The following AGAP9 variants were observed in gnomAD, a reference collection of about 807,000 sequenced individuals.
The protein encoded by AGAP9 is arf-GAP with GTPase, ANK repeat and PH domain-containing protein 9.
AGAP9 carries 23 observed loss-of-function variants against 55.6 expected under a neutral mutation model. That is an observed-to-expected ratio of 0.41 (90% confidence interval 0.30 to 0.59). The LOEUF (loss-of-function observed/expected upper bound fraction) is 0.59, where lower values mean the gene tolerates loss of function less well. AGAP9 is among the 20% of genes least tolerant of loss of function. The pLI, the probability that AGAP9 is intolerant of heterozygous loss-of-function variation, is 0.25. For missense variants in AGAP9, 309 were observed against 808.1 expected (o/e 0.38, Z 7.49); for synonymous variants, 120 against 305.0 (o/e 0.39, Z 6.32).
chr10:47,502,515 C>G lies in AGAP9; in HGVS notation c.1614G>C (p.Glu538Asp), dbSNP rs4013544. Residue 538 changes from glutamate (E) to aspartate (D), a missense_variant, in exon 8 of 8, where the codon GAG becomes GAC. Glu to Asp is a conservative substitution (Grantham distance 45). Coordinates refer to ENST00000452145, the MANE Select transcript of AGAP9 (RefSeq NM_001190810.1). The part of the protein sequence containing the change: ...LRKVMSSIGN[E>D]LANSIWEGSS... ...TCCCTTCCCAGATGCTGTTGGCTAG[C>G]TCATTGCCAATAGATGACATAACCT... 36 of 1,612,998 alleles carry G rather than the reference C, an allele frequency of 2.2e-5. No homozygotes were observed. In the Middle Eastern group the frequency reaches 6.8e-4, roughly 31 times the overall value.
chr10:47,511,044 C>G (rs1840611096), intron 4 of AGAP9, among the ~76,000 whole-genome samples: 1 of 126,000 alleles, frequency 7.9e-6, no homozygotes, highest in Non-Finnish European at 1.6e-5. Flanking sequence ...CCCGGGTTCA[C>G]GCCATTCTCC....
Position 47,510,082 on chromosome 10 carries a change from C to G in AGAP9, c.497+89G>C, listed in dbSNP as rs1367214457. The stretch of plus-strand genomic sequence containing the variant: ...ATCAATATATGGTTGACTCCAATTT[C>G]TTAAGCTGATTGCTGAAGAGGACAA... On this transcript the variant is annotated intron_variant, in intron 5 of 7. Transcript: ENST00000452145. The G allele has an allele frequency of 7.6e-5, 112 of 1,474,378 alleles. 15 individuals carry two copies. The highest frequency in any genetic ancestry group is 1.1e-4 in the Admixed American group (5 of 46,738). The allele number at this position is 1,474,378 out of a possible 1,614,324, so 91.3% of individuals were successfully genotyped here. A position where few individuals can be genotyped will look rare whatever the true frequency, so the allele number is the denominator to read the frequency against.
chr10:47,516,236 T>G (rs1282358830), intron 4 of AGAP9, among the ~76,000 whole-genome samples: 15 of 80,612 alleles, frequency 1.9e-4, no homozygotes, highest in African/African-American at 8.0e-4. Context: ...AGAGATAGTC[T>G]GCAGGTTTAG....
At chr10:47,519,403 G>C (rs1840777442) in intron 3 of AGAP9, among the ~76,000 whole-genome samples, 2 of 121,794 alleles carry the variant, frequency 1.6e-5, no homozygotes, top group South Asian at 5.6e-4. Context: ...GGGAGATGGA[G>C]GTTGTAGTGA....
Position 47,502,088 on chromosome 10 carries a change from T to G in AGAP9, c.*64A>C. 1 of 1,569,786 alleles carries G rather than the reference T, an allele frequency of 6.4e-7. No individual in the cohort carries two copies. The highest frequency in any genetic ancestry group is 8.7e-7 in the Non-Finnish European group (1 of 1,153,024). ...ATAAAACAGATACTACACGCACTCG[T>G]CGGGGCAGCCGTACTGCAGAAGCAC... On this transcript the variant is annotated 3_prime_UTR_variant, in exon 8 of 8. Coordinates refer to ENST00000452145, the MANE Select transcript of AGAP9 (RefSeq NM_001190810.1).
At chr10:47,513,937 G>A (rs2132489373) in intron 4 of AGAP9, among the ~76,000 whole-genome samples, 1 of 136,224 alleles carries the variant, frequency 7.3e-6, no homozygotes, top group South Asian at 2.4e-4. Flanking sequence ...AAAAGTTCTA[G>A]AAGATAACAT....
intron 7 of AGAP9, among the ~76,000 whole-genome samples, chr10:47,503,901 T>C (rs1447054381): frequency 1.3e-5 from 1 of 74,272 alleles, no homozygotes; most frequent in Non-Finnish European, 2.3e-5. Context: ...GATCGCGCGA[T>C]TGCACTCCAG....
rs3953933 is a variant in AGAP9 at position 47,502,412 on chromosome 10, C to T, written c.1717G>A (p.Glu573Lys). Residue 573 changes from glutamate to lysine, a missense_variant, in exon 8 of 8, where the codon GAG (glutamate) becomes AAG (lysine). Glu to Lys is a moderately conservative substitution (Grantham distance 56). Coordinates refer to ENST00000452145, the MANE Select transcript of AGAP9 (RefSeq NM_001190810.1). ...KEWWIRSKYEEKLFLAPLPCT... is the reference protein window; with the variant it reads ...KEWWIRSKYEKKLFLAPLPCT... ...GGTAGTGGGGCCAGAAAGAGCTTCT[C>T]CTCATATTTGGAACGGATCCACCAT... 8 of 1,610,758 alleles carry T rather than the reference C, an allele frequency of 5.0e-6. No homozygotes were observed. The highest frequency in any genetic ancestry group is 2.1e-4 in the Middle Eastern group (1 of 4,768).
intron 4 of AGAP9, 61 bp from the exon 5 acceptor site, chr10:47,510,332 T>A: frequency 9.8e-7 from 1 of 1,024,456 alleles, no homozygotes; most frequent in Non-Finnish European, 1.3e-6. Flanking sequence ...TCAGTTAAAA[T>A]GTCAAATGAC....
At chr10:47,513,161 A>C (rs1226399589) in intron 4 of AGAP9, among the ~76,000 whole-genome samples, 1 of 149,398 alleles carries the variant, frequency 6.7e-6, no homozygotes, top group Non-Finnish European at 1.5e-5. Context: ...CAGCCACCCG[A>C]GTAGATGGGA....
intron 4 of AGAP9, among the ~76,000 whole-genome samples, chr10:47,514,344 T>A (rs1372328138): frequency 6.8e-6 from 1 of 146,360 alleles, no homozygotes; most frequent in Non-Finnish European, 1.5e-5. Context: ...AAGACTATTA[T>A]TCTAAGTGAA....
intron 4 of AGAP9, among the ~76,000 whole-genome samples, chr10:47,511,258 T>C (rs1565831744): frequency 1.4e-5 from 2 of 142,490 alleles, no homozygotes. Context: ...ATTATTTATT[T>C]ACTACGATAA....
intron 2 of AGAP9, among the ~76,000 whole-genome samples, chr10:47,522,353 A>G (rs1354032623): frequency 6.7e-6 from 1 of 148,530 alleles, no homozygotes; most frequent in Non-Finnish European, 1.5e-5. Context: ...TTTCTGTTAA[A>G]GTAAGAATTT....
intron 4 of AGAP9, among the ~76,000 whole-genome samples, chr10:47,513,175 C>T (rs1162179013): frequency 6.7e-6 from 1 of 149,642 alleles, no homozygotes; most frequent in Non-Finnish European, 1.5e-5. Context: ...GATGGGATAA[C>T]AGGTGAGCGC....
intron 4 of AGAP9, among the ~76,000 whole-genome samples, 158 bp from the exon 5 acceptor site, chr10:47,510,429 A>G (rs1374997352): frequency 2.8e-5 from 4 of 140,920 alleles, no homozygotes; most frequent in Non-Finnish European, 6.1e-5. Flanking sequence ...GAGGCTCTCA[A>G]CTTCCAGAGA....
chr10:47,502,737 G>C lies in AGAP9; in HGVS notation c.1392C>G (p.Ala464=). 6.3e-7 allele frequency: 1 copy of C among 1,595,214 alleles called. No homozygotes were observed. Among genetic ancestry groups the C allele is most frequent in the Non-Finnish European group, 8.6e-7 (1 of 1,168,142 alleles). ...SKSQLTSQSE[A]MALQSIQNMR... ...TGTTTTGGATCGACTGCAGGGCCAT[G>C]GCCTCACTCTGGCTGGTCAGCTGGG... Residue 464 remains alanine (A), a synonymous_variant, in exon 8 of 8, where the codon GCC becomes GCG. Transcript: ENST00000452145.
At position 47,515,816 on chromosome 10, in the gene AGAP9, C is replaced by T. The variant is rs1408376541; in HGVS notation, c.396+2007G>A. Among the ~76,000 whole-genome samples the T allele has an allele frequency of 1.1e-4, 14 of 124,044 alleles. 3 individuals carry two copies. Among genetic ancestry groups the T allele is most frequent in the African/African-American group, 3.9e-4 (13 of 33,318 alleles). 81.4% of individuals were successfully genotyped at this position (124,044 alleles called of 152,430 possible). A position where few individuals can be genotyped will look rare whatever the true frequency, so the allele number is the denominator to read the frequency against. On this transcript the variant is annotated intron_variant, in intron 4 of 7. Transcript: ENST00000452145. The stretch of plus-strand genomic sequence containing the variant: ...TCCCCAGATAATACACTGAGGTCTC[C>T]CAAATGAAAAGCTAGTCAGGCTTCT...
rs1193862984 is a variant in AGAP9, at chr10:47,513,718, C to A, written c.397-3447G>T. On this transcript the variant is annotated intron_variant, in intron 4 of 7. Coordinates refer to ENST00000452145, the MANE Select transcript of AGAP9 (RefSeq NM_001190810.1). ...ACACCAATGGAATAGAATAGAGAAC[C>A]CAGAAATAAACTCAAATACCTATAG... Among the ~76,000 whole-genome samples, 31 of 139,474 alleles carry A rather than the reference C, an allele frequency of 2.2e-4. 6 individuals are homozygous for A. The highest frequency in any genetic ancestry group is 8.0e-4 in the African/African-American group (31 of 38,620). The allele number at this position is 139,474 out of a possible 152,430, so 91.5% of individuals were successfully genotyped here.
chr10:47,511,417 C>T (rs1255654169), intron 4 of AGAP9, among the ~76,000 whole-genome samples: 1 of 135,640 alleles, frequency 7.4e-6, no homozygotes, highest in Non-Finnish European at 1.6e-5. Context: ...GCTCTGTGTG[C>T]CAGGGCTGCT....
Sources: gnomAD v4.1 joint callset for allele counts (sites outside exome capture counted in the v4.1 genomes callset) on GRCh38, gnomAD v4.1.1 for gene constraint, MANE v1.5 for transcripts, NCBI Gene and HGNC (gene_info 2026-07-23, HGNC 2026-07-21) for gene names.